The following DOC2B variants were observed in gnomAD, a reference collection of about 807,000 sequenced individuals.
The protein encoded by DOC2B is double C2 domain beta.
DOC2B carries 21 observed loss-of-function variants against 28.9 expected under a neutral mutation model. The observed-to-expected ratio is 0.73, with a 90% CI of 0.52 to 1.05. DOC2B has a LOEUF of 1.05. Ranked by LOEUF, DOC2B falls within the 50% of genes least tolerant of loss-of-function variation. The probability of loss-of-function intolerance (pLI) is 0.00; values close to 1 mark genes in which losing one functional copy is unlikely to be tolerated. For missense variants in DOC2B, 384 were observed against 421.1 expected, an observed-to-expected ratio of 0.91 and a Z score of 0.77; for synonymous variants, 194 against 178.1, an observed-to-expected ratio of 1.09 and a Z score of -0.71.
At chr17:175,468 T>C (rs539551184) in intron 1 of DOC2B, among the ~76,000 whole-genome samples, 25 of 152,242 alleles carry the variant, frequency 1.6e-4, no homozygotes, top group Non-Finnish European at 2.9e-4. Context: ...AACAATATTC[T>C]CTGAAGCTGT....
chr17:161,814 T>C (rs1337009834), intron 4 of DOC2B, among the ~76,000 whole-genome samples: 1 of 152,146 alleles, frequency 6.6e-6, no homozygotes, highest in Non-Finnish European at 1.5e-5. Flanking sequence ...GGAGAGCCGG[T>C]TCTCTGGAGG....
Position 181,598 on chromosome 17 carries a change from G to C in DOC2B, c.-119C>G, listed in dbSNP as rs1358895645. On this transcript the variant is annotated 5_prime_UTR_variant, in exon 1 of 9. Transcript: ENST00000613549. This position sits in a 1 kb window ranked among gnomAD's most constrained non-coding sequence, Gnocchi z 7.0. ...TGCGGGCATCGCCGGCCGCGCCCCC[G>C]GACGGCCCTGACTTGGCCGCTGCCC... 2.8e-6 allele frequency: 1 copy of C among 360,356 alleles called. No homozygotes were observed. Among genetic ancestry groups the C allele is most frequent in the Admixed American group, 6.6e-5 (1 of 15,042 alleles). The allele number at this position is 360,356 out of a possible 1,614,324, so 22.3% of individuals were successfully genotyped here.
At chr17:169,783 C>T (rs1047481489) in intron 2 of DOC2B, among the ~76,000 whole-genome samples, 1 of 152,092 alleles carries the variant, frequency 6.6e-6, no homozygotes, top group African/African-American at 2.4e-5. Flanking sequence ...CCCTGGGCCC[C>T]TCCCCACACC....
chr17:170,682 G>A (rs188062492), intron 2 of DOC2B, among the ~76,000 whole-genome samples: 1 of 152,188 alleles, frequency 6.6e-6, no homozygotes, highest in Non-Finnish European at 1.5e-5. Context: ...GAGCAATGGG[G>A]TGAGGGGAAG....
intron 3 of DOC2B, among the ~76,000 whole-genome samples, chr17:163,366 G>C (rs1357375588): frequency 6.6e-6 from 1 of 152,176 alleles, no homozygotes; most frequent in Non-Finnish European, 1.5e-5. Context: ...CTAGAGAAGG[G>C]GGAAGGGCCC....
chr17:155,884 C>A (rs147111458), intron 6 of DOC2B: 3 of 324,418 alleles, frequency 9.2e-6, no homozygotes, highest in East Asian at 5.7e-5. Context: ...TGGCTACCCC[C>A]GGCACTGGCC....
Position 146,258 on chromosome 17 carries a change from G to A in DOC2B, c.*1183C>T, listed in dbSNP as rs959477335. 3 of 152,452 alleles carry A rather than the reference G, an allele frequency of 2.0e-5. No homozygotes were observed. The highest frequency in any genetic ancestry group is 7.2e-5 in the African/African-American group (3 of 41,468). The allele number at this position is 152,452 out of a possible 1,614,324, so 9.4% of individuals were successfully genotyped here. On this transcript the variant is annotated 3_prime_UTR_variant, in exon 9 of 9. Coordinates refer to ENST00000613549, the MANE Select transcript of DOC2B (RefSeq NM_003585.5). ...ACGAGCAAGCACCCGGAGGCCCCCAGTGTGAGCCATGGAGTGGAGGGGAGG... is the reference window on the plus strand; with the variant it reads ...ACGAGCAAGCACCCGGAGGCCCCCAATGTGAGCCATGGAGTGGAGGGGAGG...
chr17:178,298 C>T (rs1358436624), intron 1 of DOC2B, among the ~76,000 whole-genome samples: 1 of 152,244 alleles, frequency 6.6e-6, no homozygotes, highest in African/African-American at 2.4e-5. Flanking sequence ...GAACCATCAC[C>T]CCAACAGTGC....
chr17:161,621 G>A, intron 4 of DOC2B, 80 bp from the exon 5 acceptor site: 9 of 1,532,242 alleles, frequency 5.9e-6, no homozygotes, highest in Non-Finnish European at 7.9e-6. Flanking sequence ...GGTAGGGCCA[G>A]CCCTGGCTTC....
At chr17:149,033 C>G (rs2040044958) in intron 7 of DOC2B, 78 bp downstream of exon 7, 1 of 398,396 alleles carries the variant, frequency 2.5e-6, no homozygotes, top group South Asian at 1.3e-4. Flanking sequence ...CCGCCATGAC[C>G]TTTTGAAAAC....
At position 158,902 on chromosome 17, in the gene DOC2B, G is replaced by A. The variant is rs1192351280; in HGVS notation, c.765+2513C>T. ...TCTACTAAAAATACAAAAATTAGCC[G>A]GGTGTGGTGGCGCATGCCTGTAATC... On this transcript the variant is annotated intron_variant, in intron 5 of 8. Coordinates refer to ENST00000613549, the MANE Select transcript of DOC2B (RefSeq NM_003585.5). 5.4e-5 allele frequency among the ~76,000 whole-genome samples: 8 copies of A among 148,254 alleles called. No individual in the cohort carries two copies. The South Asian group carries it at 1.0e-3, about 19-fold the overall frequency.
intron 1 of DOC2B, among the ~76,000 whole-genome samples, chr17:179,965 C>T (rs1043650370): frequency 6.6e-6 from 1 of 152,248 alleles, no homozygotes; most frequent in Non-Finnish European, 1.5e-5. Flanking sequence ...CTACCTTCAG[C>T]TTCTGGTGGC....
In DOC2B at chr17:171,871, C is replaced by T. The variant is rs1366321463; in HGVS notation, c.453+666G>A. Among the ~76,000 whole-genome samples the T allele has an allele frequency of 3.5e-4, 10 of 28,542 alleles. 1 individual carries two copies. The highest frequency in any genetic ancestry group is 1.5e-3 in the African/African-American group (10 of 6,508). 18.7% of individuals were successfully genotyped at this position (28,542 alleles called of 152,430 possible). On this transcript the variant is annotated intron_variant, in intron 2 of 8. Transcript: ENST00000613549. ...GCTGCAGAGGGGAGAGCACCAGGGG[C>T]CGGGCCAGGCTGCAGAGGGGAGCAC...
At chr17:154,337 C>G (rs2040108277) in intron 6 of DOC2B, among the ~76,000 whole-genome samples, 1 of 150,354 alleles carries the variant, frequency 6.7e-6, no homozygotes, top group Non-Finnish European at 1.5e-5. Flanking sequence ...CACGCACCTG[C>G]TACACTCCTT....
At chr17:155,988 G>C (rs556183382) in intron 6 of DOC2B, 1 of 560,014 alleles carries the variant, frequency 1.8e-6, no homozygotes, top group East Asian at 3.2e-5. Flanking sequence ...ACTAATACCT[G>C]CATGACCCTG....
intron 1 of DOC2B, among the ~76,000 whole-genome samples, chr17:173,865 T>C (rs1306218806): frequency 6.6e-6 from 1 of 152,210 alleles, no homozygotes; most frequent in Non-Finnish European, 1.5e-5. Flanking sequence ...GGCTCTGAGC[T>C]AGGCTCCCAA....
intron 1 of DOC2B, among the ~76,000 whole-genome samples, chr17:177,485 C>T (rs910794715): frequency 6.6e-6 from 1 of 152,312 alleles, no homozygotes; most frequent in South Asian, 2.1e-4. Context: ...GCGAAGAGCA[C>T]CTCCCTTTCC....
chr17:153,003 A>C (rs1202641077), intron 6 of DOC2B, among the ~76,000 whole-genome samples: 1 of 152,120 alleles, frequency 6.6e-6, no homozygotes, highest in Admixed American at 6.5e-5. Flanking sequence ...CCCCTGGTCC[A>C]TGAAGGGGCC....
chr17:163,190 A>G (rs2040224525), intron 3 of DOC2B, among the ~76,000 whole-genome samples: 1 of 152,176 alleles, frequency 6.6e-6, no homozygotes, highest in Non-Finnish European at 1.5e-5. Context: ...CAGTCCCACA[A>G]ATGAAGGGTC....
Sources: allele counts gnomAD v4.1 joint callset (sites outside exome capture counted in the v4.1 genomes callset), GRCh38; gene constraint gnomAD v4.1.1; non-coding constraint Gnocchi (gnomAD v3.1); transcripts MANE v1.5; gene names NCBI Gene and HGNC (gene_info 2026-07-23, HGNC 2026-07-21).